Variants in TSPAN18 observed in about 807,000 individuals in gnomAD.
The protein encoded by TSPAN18 is tetraspanin-18.
Under a neutral mutation model 27.3 loss-of-function variants are expected in TSPAN18, and 14 were observed. That is an observed-to-expected ratio of 0.51 (90% CI 0.34 to 0.80). TSPAN18 has a LOEUF of 0.80. Among genes scored for constraint, TSPAN18 ranks in the 30% least tolerant of loss-of-function variants. The pLI is 0.01. For synonymous variants in TSPAN18, 143 were observed against 136.5 expected, an observed-to-expected ratio of 1.05 and a Z score of -0.33; for missense variants, 268 against 323.9, an observed-to-expected ratio of 0.83 and a Z score of 1.32.
intron 3 of TSPAN18, among the ~76,000 whole-genome samples, chr11:44,894,306 G>T (rs927584691): frequency 1.3e-5 from 2 of 152,190 alleles, no homozygotes. Context: ...GGGAACACAC[G>T]GTCCTCTGAG....
chr11:44,783,559 C>T (rs970315967), intron 2 of TSPAN18, among the ~76,000 whole-genome samples: 4 of 151,904 alleles, frequency 2.6e-5, no homozygotes, highest in Admixed American at 6.5e-5. Context: ...CCACCACGCC[C>T]GGCTAATTTT....
chr11:44,877,763 G>A (rs547938497), intron 3 of TSPAN18, among the ~76,000 whole-genome samples: 2 of 152,126 alleles, frequency 1.3e-5, no homozygotes, highest in Non-Finnish European at 1.5e-5. Flanking sequence ...AAATTCCCAG[G>A]CCTCCTAATT....
rs1590671474 is a variant in TSPAN18, at chr11:44,908,831, A to AAAG, written c.64-873_64-872insAGA. The stretch of plus-strand genomic sequence containing the variant: ...AGAAAGAAAGAAAGAAAGAAAGAAA[A>AAAG]AGAAAAATGGAGCAGATATTTATTG... On this transcript the variant is annotated intron_variant, in intron 4 of 9. Transcript: ENST00000520358. 6.4e-3 allele frequency among the ~76,000 whole-genome samples: 612 copies of AAAG among 96,170 alleles called. 38 individuals are homozygous for AAAG. Among genetic ancestry groups the AAAG allele is most frequent in the African/African-American group, 0.011 (265 of 23,786 alleles). The allele number at this position is 96,170 out of a possible 152,430, so 63.1% of individuals were successfully genotyped here. A position where few individuals can be genotyped will look rare whatever the true frequency, so the allele number is the denominator to read the frequency against.
Position 44,839,100 on chromosome 11 carries a change from G to A in TSPAN18, c.-152-21228G>A, listed in dbSNP as rs111946025. On this transcript the variant is annotated intron_variant, in intron 2 of 9. Transcript: ENST00000520358. The stretch of plus-strand genomic sequence containing the variant: ...AAAATGGGGGTTTCCCACAAAACAA[G>A]GAATTCTGTCTCAAGCCTATAGCAT... 6.1e-3 allele frequency among the ~76,000 whole-genome samples: 929 copies of A among 152,300 alleles called. 14 individuals are homozygous for A. The highest frequency in any genetic ancestry group is 0.021 in the African/African-American group (873 of 41,568).
chr11:44,844,397 T>G (rs887263641), intron 2 of TSPAN18, among the ~76,000 whole-genome samples: 13 of 152,160 alleles, frequency 8.5e-5, no homozygotes, highest in African/African-American at 2.7e-4. Flanking sequence ...CTGTGTCTTG[T>G]GTTTAGCTTT....
At chr11:44,846,657 C>T (rs917876276) in intron 2 of TSPAN18, among the ~76,000 whole-genome samples, 3 of 151,826 alleles carry the variant, frequency 2.0e-5, no homozygotes, top group Admixed American at 6.6e-5. Flanking sequence ...CTGGGGCCAA[C>T]CCTAGCTGAG....
Position 44,926,785 on chromosome 11 carries a change from TC to T in TSPAN18, c.699+32del, listed in dbSNP as rs746307249. On this transcript the variant is annotated intron_variant, in intron 9 of 9. Transcript: ENST00000520358. ...AAGTAAAGGCCCCCACTTCTGCCGCTCCCCAGGATGAAGCCTCACGTGGAGC... is the reference window on the plus strand; with the variant it reads ...AAGTAAAGGCCCCCACTTCTGCCGCTCCCAGGATGAAGCCTCACGTGGAGC... 35 of 1,607,832 alleles carry T rather than the reference TC, an allele frequency of 2.2e-5. 1 individual carries two copies. The East Asian group carries it at 2.9e-4, about 13-fold the overall frequency.
intron 2 of TSPAN18, among the ~76,000 whole-genome samples, chr11:44,801,478 C>T (rs1217988430): frequency 6.6e-6 from 1 of 152,150 alleles, no homozygotes; most frequent in Non-Finnish European, 1.5e-5. Context: ...AGAAGGTACC[C>T]AGTACATACC....
intron 2 of TSPAN18, among the ~76,000 whole-genome samples, chr11:44,842,494 C>T (rs1166652999): frequency 6.6e-6 from 1 of 152,050 alleles, no homozygotes; most frequent in Admixed American, 6.5e-5. Flanking sequence ...GCAGCATGAC[C>T]CACTTTGTGC....
chr11:44,794,653 G>A (rs2135051490), intron 2 of TSPAN18, among the ~76,000 whole-genome samples: 1 of 151,794 alleles, frequency 6.6e-6, no homozygotes, highest in East Asian at 1.9e-4. Context: ...GGGCAACAGA[G>A]CAAGACTCTG....
At chr11:44,785,221 C>G (rs182773218) in intron 2 of TSPAN18, among the ~76,000 whole-genome samples, 1 of 152,296 alleles carries the variant, frequency 6.6e-6, no homozygotes, top group African/African-American at 2.4e-5. Context: ...TACCCACCAA[C>G]CAGATCCAGA....
At chr11:44,889,832 C>A (rs1045522690) in intron 3 of TSPAN18, among the ~76,000 whole-genome samples, 3 of 152,340 alleles carry the variant, frequency 2.0e-5, no homozygotes, top group African/African-American at 7.2e-5. Flanking sequence ...ATGAGAAAAA[C>A]AGAGACTCTT....
At chr11:44,805,003 C>G (rs1045853600) in intron 2 of TSPAN18, among the ~76,000 whole-genome samples, 2 of 152,216 alleles carry the variant, frequency 1.3e-5, no homozygotes, top group Non-Finnish European at 2.9e-5. Context: ...TAGATCTTCT[C>G]CTGGTCGGCT....
intron 3 of TSPAN18, among the ~76,000 whole-genome samples, chr11:44,904,706 A>G (rs1859391271): frequency 6.6e-6 from 1 of 152,190 alleles, no homozygotes; most frequent in Non-Finnish European, 1.5e-5. Context: ...AGAGGGGTGG[A>G]GTGGCCCAGC....
chr11:44,846,538 C>G (rs1386722911), intron 2 of TSPAN18, among the ~76,000 whole-genome samples: 2 of 151,908 alleles, frequency 1.3e-5, no homozygotes, highest in Non-Finnish European at 2.9e-5. Context: ...CTAAGGAGGC[C>G]CGAATATTTA....
rs539777181 is a variant in TSPAN18 at position 44,751,754 on chromosome 11, C to T, written c.-239-12672C>T. 5.3e-5 allele frequency among the ~76,000 whole-genome samples: 8 copies of T among 151,994 alleles called. 2 individuals are homozygous for T. In the South Asian group the frequency reaches 1.7e-3, roughly 32 times the overall value. On this transcript the variant is annotated intron_variant, in intron 1 of 9. Transcript: ENST00000520358. The stretch of plus-strand genomic sequence containing the variant: ...CCAGCCTGGCCAACGTGGTAAAGCC[C>T]CATCTCTACTAAAAATACAAAAATT...
chr11:44,839,671 G>A (rs1336363011), intron 2 of TSPAN18, among the ~76,000 whole-genome samples: 1 of 151,966 alleles, frequency 6.6e-6, no homozygotes, highest in Non-Finnish European at 1.5e-5. Flanking sequence ...TCTAATCTTG[G>A]CTAATTGCTT....
At chr11:44,743,758 T>G (rs1855004979) in intron 1 of TSPAN18, among the ~76,000 whole-genome samples, 1 of 152,114 alleles carries the variant, frequency 6.6e-6, no homozygotes. Context: ...TACTTCCTGG[T>G]TGTGGATGGG....
intron 2 of TSPAN18, among the ~76,000 whole-genome samples, chr11:44,854,122 G>A (rs1223918399): frequency 1.3e-5 from 2 of 148,762 alleles, no homozygotes; most frequent in Non-Finnish European, 3.0e-5. Flanking sequence ...TGCAGCCTGA[G>A]GCTGAACATT....
Sources: allele counts gnomAD v4.1 joint callset (sites outside exome capture counted in the v4.1 genomes callset), GRCh38; gene constraint gnomAD v4.1.1; transcripts MANE v1.5; gene names NCBI Gene and HGNC (gene_info 2026-07-23, HGNC 2026-07-21).